CNTNAP5: variants seen among roughly 807,000 people sequenced by gnomAD.
CNTNAP5 encodes contactin-associated protein-like 5.
CNTNAP5 carries 72 observed loss-of-function variants against 150.2 expected under a neutral mutation model. That is an observed-to-expected ratio of 0.48 (90% CI 0.40 to 0.58). The LOEUF is 0.58. CNTNAP5 is among the 20% of genes least tolerant of loss of function. CNTNAP5 has a pLI of 0.00. For missense variants in CNTNAP5, 1,636 were observed against 1,626.2 expected (o/e 1.01, Z -0.10); for synonymous variants, 672 against 619.8 (o/e 1.08, Z -1.25).
At chr2:124,178,889 G>T (rs1020180749) in intron 1 of CNTNAP5, among the ~76,000 whole-genome samples, 5 of 151,322 alleles carry the variant, frequency 3.3e-5, no homozygotes, top group Non-Finnish European at 5.9e-5. Context: ...CTTGTGAAAA[G>T]CTCTCTGATT....
At chr2:124,194,375 A>G (rs1179010154) in intron 1 of CNTNAP5, among the ~76,000 whole-genome samples, 3 of 5,932 alleles carry the variant, frequency 5.1e-4, no homozygotes, top group African/African-American at 6.7e-4. Context: ...TCATATATAT[A>G]TATATATATA....
chr2:124,688,885 G>A (rs190262467), intron 13 of CNTNAP5, among the ~76,000 whole-genome samples: 164 of 152,118 alleles, frequency 1.1e-3, no homozygotes, highest in African/African-American at 3.7e-3. Flanking sequence ...TAATTCACAG[G>A]TAAAAGTTAG....
chr2:124,255,464 C>A (rs1687284373), intron 3 of CNTNAP5, among the ~76,000 whole-genome samples: 1 of 151,512 alleles, frequency 6.6e-6, no homozygotes, highest in Admixed American at 6.6e-5. Context: ...GCAGAGGCTG[C>A]AGTTAGCCGA....
intron 14 of CNTNAP5, among the ~76,000 whole-genome samples, chr2:124,754,177 G>A (rs1041194822): frequency 1.3e-5 from 2 of 152,124 alleles, no homozygotes; most frequent in African/African-American, 2.4e-5. Flanking sequence ...AGACCACATA[G>A]TATCTTGAGA....
At chr2:124,048,343 G>A (rs1007881096) in intron 1 of CNTNAP5, among the ~76,000 whole-genome samples, 16 of 152,028 alleles carry the variant, frequency 1.1e-4, no homozygotes, top group African/African-American at 3.6e-4. Flanking sequence ...TTTCTTCCTC[G>A]TATATTTTGA....
At chr2:124,388,083 A>G (rs1690978196) in intron 3 of CNTNAP5, among the ~76,000 whole-genome samples, 1 of 152,228 alleles carries the variant, frequency 6.6e-6, no homozygotes, top group Non-Finnish European at 1.5e-5. Flanking sequence ...CAGTGTGTCT[A>G]GAGGATGAAA....
chr2:124,696,194 A>T (rs1177726211), intron 13 of CNTNAP5, among the ~76,000 whole-genome samples: 2 of 152,148 alleles, frequency 1.3e-5, no homozygotes, highest in African/African-American at 4.8e-5. Flanking sequence ...AAGTGAAGAA[A>T]TGTTACTGGA....
chr2:124,318,772 C>T (rs1350437456), intron 3 of CNTNAP5, among the ~76,000 whole-genome samples: 2 of 152,022 alleles, frequency 1.3e-5, no homozygotes, highest in African/African-American at 4.8e-5. Flanking sequence ...ATCTCCTTCC[C>T]CCTCCTCTCC....
At position 124,869,718 on chromosome 2, in the gene CNTNAP5, T is replaced by C. The variant is rs949767218; in HGVS notation, c.3392T>C (p.Val1131Ala). Residue 1131 changes from valine to alanine, a missense_variant, in exon 21 of 24, where the codon GTA (valine) becomes GCA (alanine). Val to Ala is a moderately conservative substitution (Grantham distance 64, BLOSUM62 0). Transcript: ENST00000682447. Reference protein sequence around the residue: ...LRLSYNFSPEVEFRVIRSLTL... With the variant: ...LRLSYNFSPEAEFRVIRSLTL... ...CTCAGTTATAACTTCTCTCCGGAAG[T>C]AGAGTTCAGGGTTATAAGGTCACTC... 1.2e-6 allele frequency: 2 copies of C among 1,612,480 alleles called. No individual in the cohort carries two copies. Among genetic ancestry groups the C allele is most frequent in the Non-Finnish European group, 1.7e-6 (2 of 1,178,960 alleles).
intron 19 of CNTNAP5, among the ~76,000 whole-genome samples, chr2:124,831,190 A>G (rs995771760): frequency 6.6e-6 from 1 of 151,980 alleles, no homozygotes; most frequent in Admixed American, 6.6e-5. Flanking sequence ...TTTCACAACT[A>G]TATCATGACT....
intron 6 of CNTNAP5, among the ~76,000 whole-genome samples, chr2:124,467,161 T>C (rs138151215): frequency 1.3e-5 from 2 of 152,344 alleles, no homozygotes; most frequent in African/African-American, 4.8e-5. Context: ...AAAAGACTTC[T>C]AATTGTTCCT....
At chr2:124,189,510 A>C (rs769729790) in intron 1 of CNTNAP5, among the ~76,000 whole-genome samples, 2 of 152,132 alleles carry the variant, frequency 1.3e-5, no homozygotes, top group Non-Finnish European at 2.9e-5. Flanking sequence ...TGTGATTCTG[A>C]CATTAACTCT....
intron 3 of CNTNAP5, among the ~76,000 whole-genome samples, chr2:124,285,313 G>A (rs1273128345): frequency 6.6e-6 from 1 of 152,070 alleles, no homozygotes; most frequent in East Asian, 1.9e-4. Flanking sequence ...GGAATATCTG[G>A]GACATAGGCT....
At chr2:124,575,155 T>G (rs1292952888) in intron 11 of CNTNAP5, among the ~76,000 whole-genome samples, 1 of 152,186 alleles carries the variant, frequency 6.6e-6, no homozygotes, top group East Asian at 1.9e-4. Context: ...TGGTTTAATA[T>G]GGAGAGCCCA....
chr2:124,613,529 G>A (rs1677431324), intron 12 of CNTNAP5, among the ~76,000 whole-genome samples: 1 of 152,210 alleles, frequency 6.6e-6, no homozygotes, highest in African/African-American at 2.4e-5. Context: ...AGAGAAAAGA[G>A]ACTTTTCTTC....
chr2:124,422,478 T>G (rs1692128584), intron 4 of CNTNAP5, among the ~76,000 whole-genome samples: 1 of 152,190 alleles, frequency 6.6e-6, no homozygotes, highest in African/African-American at 2.4e-5. Flanking sequence ...ACTTTTCTTG[T>G]GATTACATGT....
At chr2:124,339,918 T>C (rs1331605685) in intron 3 of CNTNAP5, among the ~76,000 whole-genome samples, 1 of 152,006 alleles carries the variant, frequency 6.6e-6, no homozygotes, top group Non-Finnish European at 1.5e-5. Flanking sequence ...GAGTCACAAG[T>C]CTTGCTGGCG....
chr2:124,731,802 GTA>G (rs201510631), intron 13 of CNTNAP5, among the ~76,000 whole-genome samples: 4,048 of 151,756 alleles, frequency 0.027, 182 homozygotes, highest in African/African-American at 0.093. Flanking sequence ...GTTTATGAGT[GTA>G]TGTGTGAGTG....
At chr2:124,516,855 G>C (rs947699986) in intron 8 of CNTNAP5, among the ~76,000 whole-genome samples, 11 of 151,690 alleles carry the variant, frequency 7.3e-5, no homozygotes, top group African/African-American at 2.2e-4. Flanking sequence ...GAATTGGTGG[G>C]GTTAGAGAGA....
Sources: gnomAD v4.1 joint callset for allele counts (sites outside exome capture counted in the v4.1 genomes callset) on GRCh38, gnomAD v4.1.1 for gene constraint, MANE v1.5 for transcripts, NCBI Gene and HGNC (gene_info 2026-07-23, HGNC 2026-07-21) for gene names.